Variants in UHRF2 observed in about 807,000 individuals in gnomAD.
UHRF2 encodes ubiquitin like with PHD and ring finger domains 2.
A neutral mutation model predicts 96.8 loss-of-function variants in UHRF2; 23 were observed. The observed-to-expected ratio is 0.24, with a 90% CI of 0.17 to 0.34. UHRF2 has a LOEUF of 0.34. Ranked by LOEUF, UHRF2 falls within the 10% of genes least tolerant of loss-of-function variation. The pLI is 1.00. For synonymous variants in UHRF2, 385 were observed against 332.6 expected (o/e 1.16, Z -1.72); for missense variants, 685 against 981.5 (o/e 0.70, Z 4.04).
chr9:6,438,836 C>T (rs1820998700), intron 3 of UHRF2, among the ~76,000 whole-genome samples: 1 of 152,168 alleles, frequency 6.6e-6, no homozygotes, highest in African/African-American at 2.4e-5. Flanking sequence ...AATAGCTATT[C>T]TCTTGCATTT....
intron 9 of UHRF2, among the ~76,000 whole-genome samples, chr9:6,488,084 AAC>A (rs1824416435): frequency 6.6e-6 from 1 of 151,184 alleles, no homozygotes; most frequent in Non-Finnish European, 1.5e-5. Flanking sequence ...CTACCAAAAA[AAC>A]AGAGAAATTA....
chr9:6,456,468 C>G (rs529294778), intron 3 of UHRF2, among the ~76,000 whole-genome samples: 18 of 152,212 alleles, frequency 1.2e-4, no homozygotes, highest in African/African-American at 4.1e-4. Flanking sequence ...AAAATGTTCT[C>G]TCGTTCTGTA....
chr9:6,475,066 G>T (rs1026219482), intron 4 of UHRF2, among the ~76,000 whole-genome samples: 5 of 152,130 alleles, frequency 3.3e-5, no homozygotes, highest in Non-Finnish European at 7.4e-5. Context: ...ATATTGCACA[G>T]ATTTAACAGG....
rs73403410 is a variant in UHRF2, at chr9:6,460,877, A to C, written c.863+86A>C. 3,955 of 1,060,094 alleles carry C rather than the reference A, an allele frequency of 3.7e-3. 103 individuals carry two copies. The African/African-American group carries it at 0.056, about 15-fold the overall frequency. The allele number at this position is 1,060,094 out of a possible 1,614,324, so 65.7% of individuals were successfully genotyped here. A position where few individuals can be genotyped will look rare whatever the true frequency, so the allele number is the denominator to read the frequency against. On this transcript the variant is annotated intron_variant, in intron 4 of 15. Transcript: ENST00000276893. ...GGTATTAAGCACGTGTACCTTAGTA[A>C]AAAAAGATGGAGTCTATAAAAGATG...
intron 8 of UHRF2, among the ~76,000 whole-genome samples, chr9:6,482,659 C>T (rs1285752131): frequency 1.4e-5 from 2 of 146,986 alleles, no homozygotes; most frequent in African/African-American, 2.5e-5. Flanking sequence ...TGCAGTGGTG[C>T]GATCTCAGCT....
chr9:6,449,102 C>A (rs1017096862), intron 3 of UHRF2, among the ~76,000 whole-genome samples: 28 of 152,132 alleles, frequency 1.8e-4, no homozygotes, highest in Admixed American at 1.6e-3. Flanking sequence ...CAAATGGCCT[C>A]ATTTGTGGCC....
Position 6,460,769 on chromosome 9 carries a change from C to CT in UHRF2, c.843dup (p.Arg282SerfsTer10). The CT allele has an allele frequency of 6.2e-7, 1 of 1,612,534 alleles. No homozygotes were observed. Among genetic ancestry groups the CT allele is most frequent in the Non-Finnish European group, 8.5e-7 (1 of 1,179,592 alleles). ...GACAATCTCAAGGACCAAAAAAGAA[C>CT]TTCGTGTGAAAATTTTCCTGGGGTA... On this transcript the variant is annotated frameshift_variant, in exon 4 of 16. Coordinates refer to ENST00000276893, the MANE Select transcript of UHRF2 (RefSeq NM_152896.3). LOFTEE classifies it high-confidence loss of function.
At chr9:6,429,499 T>A (rs1323857632) in intron 2 of UHRF2, among the ~76,000 whole-genome samples, 1 of 152,120 alleles carries the variant, frequency 6.6e-6, no homozygotes, top group Non-Finnish European at 1.5e-5. Flanking sequence ...GGCTAGTTTT[T>A]GTGTTTTTTA....
intron 4 of UHRF2, chr9:6,468,838 T>C (rs1199059079): frequency 2.7e-6 from 1 of 371,888 alleles, no homozygotes; most frequent in Non-Finnish European, 5.3e-6. Flanking sequence ...GTAGACTAAA[T>C]CTTACTTAAA....
chr9:6,455,272 A>T (rs1822110362), intron 3 of UHRF2, among the ~76,000 whole-genome samples: 1 of 152,130 alleles, frequency 6.6e-6, no homozygotes. Flanking sequence ...ATATCTCCTA[A>T]TGCTATCCCT....
At chr9:6,463,465 G>C (rs1822674615) in intron 4 of UHRF2, among the ~76,000 whole-genome samples, 1 of 151,730 alleles carries the variant, frequency 6.6e-6, no homozygotes, top group Non-Finnish European at 1.5e-5. Context: ...GTGGCTTATG[G>C]ATAGAATTTT....
chr9:6,504,001 TTTTAAA>T (rs2130978457), intron 14 of UHRF2, among the ~76,000 whole-genome samples: 1 of 151,256 alleles, frequency 6.6e-6, no homozygotes, highest in East Asian at 1.9e-4. Context: ...TACTTGATTT[TTTTAAA>T]TAGAAGACTT....
In UHRF2 at chr9:6,506,269, G is replaced by A. The variant is rs560122844; in HGVS notation, c.*90G>A. ...GGGAGGGTGGAAGAAATGGTGGACT[G>A]TATCTCTCACGTTCTGAAGCAGCTA... On this transcript the variant is annotated 3_prime_UTR_variant, in exon 16 of 16. Transcript: ENST00000276893. 3.9e-6 allele frequency: 6 copies of A among 1,520,424 alleles called. No individual in the cohort carries two copies. Among genetic ancestry groups the A allele is most frequent in the Non-Finnish European group, 5.4e-6 (6 of 1,119,340 alleles). 94.2% of individuals were successfully genotyped at this position (1,520,424 alleles called of 1,614,324 possible).
chr9:6,486,738 A>G (rs1042552584), intron 8 of UHRF2, 83 bp from the exon 9 acceptor site: 16 of 1,337,134 alleles, frequency 1.2e-5, no homozygotes, highest in Non-Finnish European at 1.7e-5. Context: ...GTCTTTAGGT[A>G]CCAAGAATAT....
intron 1 of UHRF2, among the ~76,000 whole-genome samples, chr9:6,418,817 G>C (rs1484968471): frequency 1.3e-5 from 2 of 152,142 alleles, no homozygotes; most frequent in Admixed American, 6.5e-5. Flanking sequence ...CCAAAACCTG[G>C]GTGGCTTAAA....
At chr9:6,471,716 C>G (rs1420325514) in intron 4 of UHRF2, among the ~76,000 whole-genome samples, 1 of 152,170 alleles carries the variant, frequency 6.6e-6, no homozygotes, top group East Asian at 1.9e-4. Context: ...ATTCCTGACC[C>G]ACCCCCATAT....
At chr9:6,485,635 T>C (rs1167642386) in intron 8 of UHRF2, among the ~76,000 whole-genome samples, 1 of 119,994 alleles carries the variant, frequency 8.3e-6, no homozygotes, top group Non-Finnish European at 1.7e-5. Flanking sequence ...CAAATTATTG[T>C]GCAAGCTTGA....
At chr9:6,450,342 G>C (rs1183359912) in intron 3 of UHRF2, among the ~76,000 whole-genome samples, 2 of 114,392 alleles carry the variant, frequency 1.7e-5, no homozygotes, top group African/African-American at 7.1e-5. Flanking sequence ...TGTGTCATTT[G>C]TCTTGTACAA....
intron 3 of UHRF2, among the ~76,000 whole-genome samples, chr9:6,450,479 A>G (rs1411074628): frequency 6.6e-6 from 1 of 152,262 alleles, no homozygotes; most frequent in South Asian, 2.1e-4. Context: ...GTTAGATAAG[A>G]CTACTTGAGA....
Sources: allele counts gnomAD v4.1 joint callset (sites outside exome capture counted in the v4.1 genomes callset), GRCh38; gene constraint gnomAD v4.1.1; transcripts MANE v1.5; gene names NCBI Gene and HGNC (gene_info 2026-07-23, HGNC 2026-07-21).